The following ZNF541 variants were observed in gnomAD, a reference collection of about 807,000 sequenced individuals.
The protein encoded by ZNF541 is zinc finger protein 541.
ZNF541 carries 23 observed loss-of-function variants against 123.5 expected under a neutral mutation model. The observed-to-expected ratio is 0.19, with a 90% CI of 0.13 to 0.26. The LOEUF (loss-of-function observed/expected upper bound fraction) is 0.26, where lower values mean the gene tolerates loss of function less well. Among genes scored for constraint, ZNF541 ranks in the 10% least tolerant of loss-of-function variants. The pLI, the probability that ZNF541 is intolerant of heterozygous loss-of-function variation, is 1.00. For synonymous variants in ZNF541, 751 were observed against 754.5 expected (o/e 1.00, Z 0.08); for missense variants, 1,612 against 1,789.9 (o/e 0.90, Z 1.79).
chr19:47,522,453 C>T (rs1166951225), intron 14 of ZNF541, among the ~76,000 whole-genome samples: 2 of 152,154 alleles, frequency 1.3e-5, no homozygotes, highest in Non-Finnish European at 2.9e-5. Flanking sequence ...GGATTATTTT[C>T]CCGTTCCTCC....
Position 47,544,969 on chromosome 19 carries a change from G to T in ZNF541, c.1560C>A (p.Gly520=). The change falls in exon 5 of 17, where the codon GGC becomes GGA. Residue 520 remains glycine (G), a synonymous_variant. Coordinates refer to ENST00000391901, the MANE Select transcript of ZNF541 (RefSeq NM_001277075.3). The part of the protein sequence containing the change: ...SFLCQNPGEP[G]LQEAQKAGGL... ...CGCCTGCCTTCTGGGCCTCCTGGAG[G>T]CCGGGCTCCCCGGGGTTCTGGCACA... 1 of 1,533,498 alleles carries T rather than the reference G, an allele frequency of 6.5e-7. No homozygotes were observed. Among genetic ancestry groups the T allele is most frequent in the Non-Finnish European group, 8.7e-7 (1 of 1,145,846 alleles). 95.0% of individuals were successfully genotyped at this position (1,533,498 alleles called of 1,614,324 possible).
Position 47,521,319 on chromosome 19 carries a change from G to C in ZNF541, c.3946C>G (p.His1316Asp). 1 of 1,551,720 alleles carries C rather than the reference G, an allele frequency of 6.4e-7. No homozygotes were observed. ...AHMKRHRLQD[H>D]VEPIIRVKWP... Reference sequence around the variant, plus strand: ...TTCACCCTGATGATGGGCTCCACGTGGTCCTGAAGGCGGTGCCGCTTCATA... The same window carrying C: ...TTCACCCTGATGATGGGCTCCACGTCGTCCTGAAGGCGGTGCCGCTTCATA... The change falls in exon 17 of 17, where the codon CAC becomes GAC. Residue 1316 changes from histidine (H) to aspartate (D), a missense_variant. By Grantham distance (81) the His-to-Asp change is moderately conservative. Coordinates refer to ENST00000391901, the MANE Select transcript of ZNF541 (RefSeq NM_001277075.3). This position sits in a 1 kb window ranked among gnomAD's most constrained non-coding sequence, Gnocchi z 4.2.
upstream of ZNF541, among the ~76,000 whole-genome samples, chr19:47,573,185 G>T (rs1971536958): frequency 6.7e-6 from 1 of 149,852 alleles, no homozygotes; most frequent in Non-Finnish European, 1.5e-5. Flanking sequence ...CGCGCAGCCC[G>T]GCCCACCCCC....
intron 14 of ZNF541, among the ~76,000 whole-genome samples, chr19:47,523,537 A>T (rs1969146841): frequency 6.6e-6 from 1 of 152,168 alleles, no homozygotes; most frequent in Admixed American, 6.5e-5. Context: ...TTTAAAAAAA[A>T]GTTGGACTTC....
chr19:47,529,710 C>T (rs991914132), intron 12 of ZNF541, 58 bp from the exon 13 acceptor site: 5 of 1,457,082 alleles, frequency 3.4e-6, no homozygotes, highest in Admixed American at 4.0e-5. Flanking sequence ...GGACCACAGG[C>T]ATCCTCCCAT....
At chr19:47,537,719 T>TA (rs781728092) in intron 9 of ZNF541, among the ~76,000 whole-genome samples, 1 of 149,964 alleles carries the variant, frequency 6.7e-6, no homozygotes, top group African/African-American at 2.5e-5. Flanking sequence ...CTAAGAAAAA[T>TA]AAAAAATTAG....
chr19:47,539,970 C>T (rs1476591507), intron 7 of ZNF541, 92 bp from the exon 8 acceptor site: 4 of 1,489,612 alleles, frequency 2.7e-6, no homozygotes, highest in East Asian at 2.5e-5. Context: ...TCATAGAAAA[C>T]AGCAGTGAGT....
Position 47,544,870 on chromosome 19 carries a change from C to T in ZNF541, c.1659G>A (p.Glu553=). The T allele has an allele frequency of 1.3e-6, 2 of 1,536,194 alleles. No individual in the cohort carries two copies. Among genetic ancestry groups the T allele is most frequent in the Non-Finnish European group, 1.7e-6 (2 of 1,146,810 alleles). The change falls in exon 5 of 17, where the codon GAG becomes GAA. Residue 553 remains glutamate (E), a synonymous_variant. Transcript: ENST00000391901. ...LKSQEPLVSH[E]QMQVFQMITK... is the part of the protein sequence containing the mutation. Reference sequence around the variant, plus strand: ...TGATCATCTGGAACACCTGCATCTGCTCGTGGCTCACAAGAGGTTCCTGCG... The same window carrying T: ...TGATCATCTGGAACACCTGCATCTGTTCGTGGCTCACAAGAGGTTCCTGCG...
At chr19:47,535,995 ATAGAT>A (rs1969802006) in intron 9 of ZNF541, among the ~76,000 whole-genome samples, 1 of 152,250 alleles carries the variant, frequency 6.6e-6, no homozygotes, top group African/African-American at 2.4e-5. Context: ...CATTGTTTCT[ATAGAT>A]TATAGATCAA....
At chr19:47,553,403 TA>T (rs1201946053) in intron 3 of ZNF541, among the ~76,000 whole-genome samples, 5 of 143,886 alleles carry the variant, frequency 3.5e-5, no homozygotes, top group African/African-American at 1.4e-4. Flanking sequence ...CATGCCAGGC[TA>T]ATTCTTTTTT....
chr19:47,527,293 C>T lies in ZNF541; in HGVS notation c.3570+1657G>A, dbSNP rs114164393. On this transcript the variant is annotated intron_variant, in intron 14 of 16. Transcript: ENST00000391901. Reference sequence around the variant, plus strand: ...ATAGTATCAATATGTCAAAACTTAGCAAATCTTATTATACTGCAATTATGT... The same window carrying T: ...ATAGTATCAATATGTCAAAACTTAGTAAATCTTATTATACTGCAATTATGT... Among the ~76,000 whole-genome samples the T allele has an allele frequency of 3.1e-3, 476 of 152,258 alleles. 2 individuals carry two copies. Among genetic ancestry groups the T allele is most frequent in the African/African-American group, 0.011 (445 of 41,538 alleles).
intron 2 of ZNF541, among the ~76,000 whole-genome samples, chr19:47,565,797 T>C (rs1174838904): frequency 6.6e-6 from 1 of 152,224 alleles, no homozygotes; most frequent in Non-Finnish European, 1.5e-5. Context: ...TATGTCTTGT[T>C]CTATCATCAC....
intron 13 of ZNF541, 80 bp downstream of exon 13, chr19:47,529,497 G>T: frequency 7.0e-7 from 1 of 1,422,210 alleles, no homozygotes; most frequent in Non-Finnish European, 9.7e-7. Flanking sequence ...CAGGAGGCAG[G>T]GGCAGAGCTT....
rs56752515 is a variant in ZNF541, at chr19:47,565,333, A to G, written c.-99+6563T>C. Among the ~76,000 whole-genome samples, 478 of 152,292 alleles carry G rather than the reference A, an allele frequency of 3.1e-3. 1 individual carries two copies. The highest frequency in any genetic ancestry group is 0.011 in the African/African-American group (449 of 41,556). On this transcript the variant is annotated intron_variant, in intron 2 of 16. Coordinates refer to ENST00000391901, the MANE Select transcript of ZNF541 (RefSeq NM_001277075.3). Reference sequence around the variant, plus strand: ...TAAAAAACTAAAAAAAGAAAAAAGAAAAGAAAAACCCAGTACATCTGGATC... The same window carrying G: ...TAAAAAACTAAAAAAAGAAAAAAGAGAAGAAAAACCCAGTACATCTGGATC...
chr19:47,535,908 G>C (rs1361553090), intron 9 of ZNF541, among the ~76,000 whole-genome samples: 1 of 152,008 alleles, frequency 6.6e-6, no homozygotes, highest in African/African-American at 2.4e-5. Flanking sequence ...GGAAATCAGG[G>C]GTCTCACAGC....
At chr19:47,561,018 C>T (rs2123352208) in intron 2 of ZNF541, among the ~76,000 whole-genome samples, 1 of 152,164 alleles carries the variant, frequency 6.6e-6, no homozygotes, top group East Asian at 1.9e-4. Flanking sequence ...TGTGAGACTC[C>T]AACTATATCA....
intron 2 of ZNF541, among the ~76,000 whole-genome samples, chr19:47,561,470 TAAA>T (rs1003801748): frequency 6.6e-6 from 1 of 151,898 alleles, no homozygotes; most frequent in African/African-American, 2.4e-5. Flanking sequence ...TTAAAAAAAT[TAAA>T]AAATCCAAAT....
At chr19:47,547,964 C>A (rs553355080) in intron 4 of ZNF541, among the ~76,000 whole-genome samples, 29 of 149,628 alleles carry the variant, frequency 1.9e-4, no homozygotes, top group African/African-American at 6.9e-4. Context: ...CACTTGAACC[C>A]AGGAGGCAGA....
intron 8 of ZNF541, among the ~76,000 whole-genome samples, chr19:47,538,674 GTA>G (rs1241529227): frequency 6.6e-6 from 1 of 152,138 alleles, no homozygotes; most frequent in African/African-American, 2.4e-5. Flanking sequence ...CTGACTCTGT[GTA>G]AGAATAGCCT....
Sources: gnomAD v4.1 joint callset for allele counts (sites outside exome capture counted in the v4.1 genomes callset) on GRCh38, gnomAD v4.1.1 for gene constraint, Gnocchi (gnomAD v3.1) non-coding constraint, MANE v1.5 for transcripts, NCBI Gene and HGNC (gene_info 2026-07-23, HGNC 2026-07-21) for gene names.